The following SMPD4 variants were observed in gnomAD, a reference collection of about 807,000 sequenced individuals.
SMPD4 encodes sphingomyelin phosphodiesterase 4.
SMPD4 carries 58 observed loss-of-function variants against 97.8 expected under a neutral mutation model. That is an observed-to-expected ratio of 0.59 (90% CI 0.48 to 0.74). The LOEUF (loss-of-function observed/expected upper bound fraction) is 0.74. Among genes scored for constraint, SMPD4 ranks in the 30% least tolerant of loss-of-function variants. The pLI, the probability that SMPD4 is intolerant of heterozygous loss-of-function variation, is 0.00. For missense variants in SMPD4, 853 were observed against 1,080.5 expected (o/e 0.79, Z 2.95); for synonymous variants, 388 against 450.0 (o/e 0.86, Z 1.74).
chr2:130,165,030 T>C (rs1477825612), intron 9 of SMPD4, among the ~76,000 whole-genome samples: 2 of 147,076 alleles, frequency 1.4e-5, no homozygotes, highest in African/African-American at 5.0e-5. Context: ...GGATTGCTTG[T>C]GCCCAGGAGT....
At position 130,156,571 on chromosome 2, in the gene SMPD4, G is replaced by A; in HGVS notation, c.1188+14C>T. On this transcript the variant is annotated intron_variant, in intron 13 of 19. Transcript: ENST00000680298. ...AGAGGACACAGGCACACGTGTGACG[G>A]GGCCAACACTCACAGCTCTGAACGA... 1 of 1,611,268 alleles carries A rather than the reference G, an allele frequency of 6.2e-7. No individual in the cohort carries two copies. Among genetic ancestry groups the A allele is most frequent in the East Asian group, 2.2e-5 (1 of 44,716 alleles).
intron 15 of SMPD4, 104 bp from the exon 16 acceptor site, chr2:130,154,586 A>C: frequency 4.7e-6 from 7 of 1,498,016 alleles, no homozygotes; most frequent in Non-Finnish European, 6.4e-6. Flanking sequence ...GGGAGCCATG[A>C]CCCAGGGGTG....
chr2:130,178,230 A>G (rs1263172719), intron 1 of SMPD4, among the ~76,000 whole-genome samples: 3 of 152,206 alleles, frequency 2.0e-5, no homozygotes, highest in African/African-American at 7.2e-5. Context: ...AGTTTGTCAT[A>G]CAAGAATAGA....
intron 1 of SMPD4, among the ~76,000 whole-genome samples, chr2:130,177,831 C>T (rs1234896373): frequency 6.6e-6 from 1 of 152,126 alleles, no homozygotes; most frequent in Non-Finnish European, 1.5e-5. Context: ...GCTCTAAATG[C>T]TCTCTATATA....
In SMPD4 at chr2:130,152,471, G is replaced by A; in HGVS notation, c.*84C>T. 1 of 1,358,088 alleles carries A rather than the reference G, an allele frequency of 7.4e-7. No homozygotes were observed. Among genetic ancestry groups the A allele is most frequent in the Non-Finnish European group, 9.9e-7 (1 of 1,012,520 alleles). The allele number at this position is 1,358,088 out of a possible 1,614,324, so 84.1% of individuals were successfully genotyped here. A position where few individuals can be genotyped will look rare whatever the true frequency, so the allele number is the denominator to read the frequency against. On this transcript the variant is annotated 3_prime_UTR_variant, in exon 20 of 20. Coordinates refer to ENST00000680298, the MANE Select transcript of SMPD4 (RefSeq NM_017951.5). ...CCCGAGGATGACCGTGTTCCCTCCT[G>A]GAGGGGCTTCCCAGGTCCTCTCAGC...
intron 11 of SMPD4, 88 bp from the exon 12 acceptor site, chr2:130,157,484 G>A: frequency 6.4e-7 from 1 of 1,567,574 alleles, no homozygotes; most frequent in East Asian, 2.3e-5. Flanking sequence ...CCCGCCCTGA[G>A]CCAGTTGCTC....
At position 130,181,599 on chromosome 2, in the gene SMPD4, C is replaced by T; in HGVS notation, c.-115G>A. On this transcript the variant is annotated 5_prime_UTR_variant, in exon 1 of 20. The change abolishes an upstream ATG in the 5' untranslated region. Transcript: ENST00000680298. Reference sequence around the variant, plus strand: ...ATTCCGCCACGGCGCCGAAAGTCGTCATCAAGCTGCGCGCAGAGCCACGCC... The same window carrying T: ...ATTCCGCCACGGCGCCGAAAGTCGTTATCAAGCTGCGCGCAGAGCCACGCC... 6.2e-7 allele frequency: 1 copy of T among 1,600,642 alleles called. No individual in the cohort carries two copies. The highest frequency in any genetic ancestry group is 8.5e-7 in the Non-Finnish European group (1 of 1,174,560).
chr2:130,164,871 C>T (rs1329176592), intron 9 of SMPD4, among the ~76,000 whole-genome samples: 4 of 151,942 alleles, frequency 2.6e-5, no homozygotes, highest in Admixed American at 2.0e-4. Flanking sequence ...TTTGGGAGGC[C>T]GAGGTGGGTG....
rs769144006 is a variant in SMPD4, at chr2:130,181,559, G to A, written c.-75C>T. 2.8e-4 allele frequency: 442 copies of A among 1,606,714 alleles called. 1 individual carries two copies. The highest frequency in any genetic ancestry group is 2.6e-3 in the Middle Eastern group (16 of 6,050). ...GGGATCCATAGCGTCGCTCGCCTCAGAGATGGAAGCCGCCATTCCGCCACG... is the reference window on the plus strand; with the variant it reads ...GGGATCCATAGCGTCGCTCGCCTCAAAGATGGAAGCCGCCATTCCGCCACG... On this transcript the variant is annotated 5_prime_UTR_variant, in exon 1 of 20. Transcript: ENST00000680298.
intron 3 of SMPD4, among the ~76,000 whole-genome samples, chr2:130,173,909 C>A (rs939898599): frequency 6.6e-6 from 1 of 151,134 alleles, no homozygotes; most frequent in Non-Finnish European, 1.5e-5. Context: ...AGTAAGTCAG[C>A]CTCCGATCAA....
At chr2:130,153,240 G>A in intron 18 of SMPD4, 69 bp from the exon 19 acceptor site, 1 of 1,612,568 alleles carries the variant, frequency 6.2e-7, no homozygotes, top group Non-Finnish European at 8.5e-7. Flanking sequence ...GAGCCTGATG[G>A]CCTCTGCTCA....
rs1229114194 is a variant in SMPD4 at position 130,181,425 on chromosome 2, G to A, written c.-46+105C>T. On this transcript the variant is annotated intron_variant, in intron 1 of 19. Transcript: ENST00000680298. ...CTGCCTGGGCAGAGCCGGCTGGCCG[G>A]CCCGAGTCCTGGGGCTCGCGGAGGA... is the stretch of plus-strand genomic sequence containing the variant. 2.0e-6 allele frequency: 3 copies of A among 1,506,426 alleles called. No individual in the cohort carries two copies. The Admixed American group carries it at 7.0e-5, about 35-fold the overall frequency. 93.3% of individuals were successfully genotyped at this position (1,506,426 alleles called of 1,614,324 possible). A position where few individuals can be genotyped will look rare whatever the true frequency, so the allele number is the denominator to read the frequency against.
chr2:130,175,945 C>T (rs1688944280), intron 2 of SMPD4, among the ~76,000 whole-genome samples: 1 of 152,092 alleles, frequency 6.6e-6, no homozygotes, highest in Non-Finnish European at 1.5e-5. Context: ...AAATTAGGAA[C>T]TTTCATCACC....
chr2:130,160,754 C>G (rs1687316488), intron 11 of SMPD4, among the ~76,000 whole-genome samples: 1 of 152,026 alleles, frequency 6.6e-6, no homozygotes, highest in Non-Finnish European at 1.5e-5. Flanking sequence ...AAGGCAGAAC[C>G]CACACCACCC....
intron 1 of SMPD4, among the ~76,000 whole-genome samples, chr2:130,179,427 T>C (rs997728140): frequency 3.9e-5 from 6 of 151,946 alleles, no homozygotes; most frequent in African/African-American, 7.3e-5. Flanking sequence ...AGCCTCTTTT[T>C]TCTTTTTTTG....
At chr2:130,171,197 C>T (rs192911517) in intron 8 of SMPD4, among the ~76,000 whole-genome samples, 1,617 of 151,318 alleles carry the variant, frequency 0.011, 24 homozygotes, top group African/African-American at 0.036. Flanking sequence ...CTCCGCCTCC[C>T]GGGTTCAAGC....
At chr2:130,152,922 G>C (rs1490123088) in intron 19 of SMPD4, 38 bp from the exon 20 acceptor site, 1 of 1,561,568 alleles carries the variant, frequency 6.4e-7, no homozygotes, top group Admixed American at 1.8e-5. Flanking sequence ...GTGGGGTGGT[G>C]GCACCACAGG....
Position 130,173,369 on chromosome 2 carries a change from G to A in SMPD4, c.270-15C>T, listed in dbSNP as rs777309573. The A allele has an allele frequency of 6.2e-7, 1 of 1,610,474 alleles. No individual in the cohort carries two copies. ...TCATTGGGCCACTGAACACGAAATT[G>A]AACAAACAAACAAAAACAGGGCAAA... On this transcript the variant is annotated splice_polypyrimidine_tract_variant and intron_variant, in intron 4 of 19. Coordinates refer to ENST00000680298, the MANE Select transcript of SMPD4 (RefSeq NM_017951.5).
intron 1 of SMPD4, among the ~76,000 whole-genome samples, chr2:130,177,454 T>C (rs964503686): frequency 4.6e-5 from 7 of 151,964 alleles, no homozygotes; most frequent in Non-Finnish European, 1.0e-4. Context: ...TCCTAGTACT[T>C]TGGGAGGCTG....
Sources: allele counts gnomAD v4.1 joint callset (sites outside exome capture counted in the v4.1 genomes callset), GRCh38; gene constraint gnomAD v4.1.1; transcripts MANE v1.5; gene names NCBI Gene and HGNC (gene_info 2026-07-23, HGNC 2026-07-21).